ITGA9: variants seen among roughly 807,000 people sequenced by gnomAD.
ITGA9 encodes the protein integrin subunit alpha 9.
A neutral mutation model predicts 127.8 loss-of-function variants in ITGA9; 56 were observed. The ratio of observed to expected loss-of-function variants is 0.44; its 90% CI spans 0.35 to 0.55. The LOEUF is 0.55. Among genes scored for constraint, ITGA9 ranks in the 20% least tolerant of loss-of-function variants. The pLI is 0.00. For missense variants in ITGA9, 1,196 were observed against 1,347.1 expected (o/e 0.89, Z 1.76); for synonymous variants, 508 against 514.5 (o/e 0.99, Z 0.17).
intron 26 of ITGA9, among the ~76,000 whole-genome samples, chr3:37,785,458 G>A (rs1697028669): frequency 6.6e-6 from 1 of 152,046 alleles, no homozygotes; most frequent in Admixed American, 6.5e-5. Context: ...ATTACTCCAT[G>A]GGTAAATACT....
At chr3:37,485,934 T>C (rs1360812235) in intron 4 of ITGA9, among the ~76,000 whole-genome samples, 1 of 152,238 alleles carries the variant, frequency 6.6e-6, no homozygotes, top group Non-Finnish European at 1.5e-5. Context: ...TTTATCAGAA[T>C]GTGTGAGAAA....
intron 5 of ITGA9, 152 bp downstream of exon 5, chr3:37,494,720 T>C (rs774858612): frequency 5.1e-5 from 37 of 722,840 alleles, no homozygotes; most frequent in Admixed American, 1.9e-4. Flanking sequence ...CAGAGGAGGC[T>C]ATTTCTACCT....
chr3:37,774,595 C>A (rs542528119), intron 23 of ITGA9, among the ~76,000 whole-genome samples: 8 of 151,172 alleles, frequency 5.3e-5, no homozygotes, highest in African/African-American at 1.7e-4. Flanking sequence ...TGTGTGGTGG[C>A]ATGTGCCTAT....
intron 17 of ITGA9, among the ~76,000 whole-genome samples, chr3:37,655,877 G>A (rs943833676): frequency 2.6e-5 from 4 of 152,158 alleles, no homozygotes; most frequent in Admixed American, 6.5e-5. Context: ...TGTATAAAGT[G>A]TAAGGAAAGG....
intron 1 of ITGA9, among the ~76,000 whole-genome samples, chr3:37,466,483 CAAAAAAAAAA>C (rs60980366): frequency 1.3e-3 from 33 of 26,064 alleles, no homozygotes; most frequent in Admixed American, 1.6e-3. Context: ...GACACCATCT[CAAAAAAAAAA>C]AAAAAAAAAA....
At chr3:37,526,631 T>C (rs1228617462) in intron 13 of ITGA9, among the ~76,000 whole-genome samples, 2 of 152,322 alleles carry the variant, frequency 1.3e-5, no homozygotes, top group South Asian at 2.1e-4. Context: ...AGTCTGCATC[T>C]CTCCTGCAAA....
chr3:37,517,307 T>C (rs1271857368), intron 9 of ITGA9, among the ~76,000 whole-genome samples, 197 bp from the exon 10 acceptor site: 1 of 152,222 alleles, frequency 6.6e-6, no homozygotes, highest in Non-Finnish European at 1.5e-5. Flanking sequence ...GAGACCATCC[T>C]GCTAAGCAGG....
At chr3:37,528,995 G>T (rs1011080663) in intron 13 of ITGA9, among the ~76,000 whole-genome samples, 1 of 141,054 alleles carries the variant, frequency 7.1e-6, no homozygotes, top group Non-Finnish European at 1.5e-5. Context: ...ATTTCACATT[G>T]GTGGGAATAT....
intron 13 of ITGA9, 68 bp from the exon 14 acceptor site, chr3:37,533,246 T>C (rs576641608): frequency 1.4e-6 from 2 of 1,386,556 alleles, no homozygotes; most frequent in Admixed American, 1.7e-5. Flanking sequence ...CCTGTTGGTC[T>C]AGTTCTTGTT....
intron 17 of ITGA9, among the ~76,000 whole-genome samples, chr3:37,657,379 G>A (rs1378025034): frequency 2.0e-5 from 3 of 152,116 alleles, no homozygotes; most frequent in Non-Finnish European, 4.4e-5. Flanking sequence ...CTCGTTTTTG[G>A]TCTACTCAGG....
intron 15 of ITGA9, among the ~76,000 whole-genome samples, chr3:37,557,000 A>C (rs1699437573): frequency 6.6e-6 from 1 of 152,198 alleles, no homozygotes; most frequent in Admixed American, 6.5e-5. Context: ...TATTGCTTGA[A>C]GGACAGTGTT....
chr3:37,751,603 C>T (rs1347121988), intron 23 of ITGA9, among the ~76,000 whole-genome samples: 6 of 152,148 alleles, frequency 3.9e-5, no homozygotes, highest in African/African-American at 1.2e-4. Context: ...CCCTTTTCCT[C>T]TTTACTGATC....
Position 37,629,686 on chromosome 3 carries a change from G to A in ITGA9, c.1839+350G>A, listed in dbSNP as rs903045684. On this transcript the variant is annotated intron_variant, in intron 16 of 27. Transcript: ENST00000264741. This position sits in a 1 kb window ranked among gnomAD's most constrained non-coding sequence, Gnocchi z 4.5. ...GGTGGATAGTAGGTGCTTAATGAAT[G>A]TTTTATTGGTGGGAGAATGAGTGAG... 1.7e-4 allele frequency among the ~76,000 whole-genome samples: 26 copies of A among 152,164 alleles called. No homozygotes were observed. The highest frequency in any genetic ancestry group is 6.0e-4 in the African/African-American group (25 of 41,432).
At chr3:37,464,807 C>A (rs187581495) in intron 1 of ITGA9, among the ~76,000 whole-genome samples, 2 of 152,318 alleles carry the variant, frequency 1.3e-5, no homozygotes, top group African/African-American at 4.8e-5. Flanking sequence ...CTTTCAGGTC[C>A]CATGGCTCCA....
intron 15 of ITGA9, among the ~76,000 whole-genome samples, chr3:37,552,196 T>G (rs764888005): frequency 1.2e-4 from 17 of 146,174 alleles, no homozygotes; most frequent in Non-Finnish European, 1.6e-4. Context: ...GAGGAAAGAT[T>G]CGGAGCCAGC....
chr3:37,684,062 G>A (rs774660002), intron 18 of ITGA9, 47 bp downstream of exon 18: 42 of 1,524,156 alleles, frequency 2.8e-5, no homozygotes, highest in Non-Finnish European at 3.3e-5. Context: ...CATCTGGTGC[G>A]CTTGCTGACT....
intron 15 of ITGA9, among the ~76,000 whole-genome samples, chr3:37,620,532 A>G (rs577181171): frequency 6.6e-6 from 1 of 152,198 alleles, no homozygotes; most frequent in South Asian, 2.1e-4. Flanking sequence ...CTGTCATCCC[A>G]TTTTACATCT....
intron 1 of ITGA9, among the ~76,000 whole-genome samples, chr3:37,465,345 G>A (rs1056613571): frequency 2.6e-5 from 4 of 152,192 alleles, no homozygotes; most frequent in East Asian, 1.9e-4. Flanking sequence ...CACACAGGGA[G>A]CTCAGGAAGC....
chr3:37,678,930 C>G (rs1700708255), intron 17 of ITGA9, among the ~76,000 whole-genome samples: 1 of 152,140 alleles, frequency 6.6e-6, no homozygotes, highest in African/African-American at 2.4e-5. Flanking sequence ...GTAACATCTT[C>G]CATTGAGTAT....
Sources: gnomAD v4.1 joint callset for allele counts (sites outside exome capture counted in the v4.1 genomes callset) on GRCh38, gnomAD v4.1.1 for gene constraint, Gnocchi (gnomAD v3.1) non-coding constraint, MANE v1.5 for transcripts, NCBI Gene and HGNC (gene_info 2026-07-23, HGNC 2026-07-21) for gene names.